C14orf180: variants seen among roughly 807,000 people sequenced by gnomAD.
C14orf180 encodes the protein nutritionally-regulated adipose and cardiac enriched protein homolog.
A neutral mutation model predicts 13.9 loss-of-function variants in C14orf180; 13 were observed. That is an observed-to-expected ratio of 0.94 (90% confidence interval 0.61 to 1.49). The LOEUF (loss-of-function observed/expected upper bound fraction) is 1.49, where lower values mean the gene tolerates loss of function less well. C14orf180 is among the 40% of genes most tolerant of loss of function. The pLI, the probability that C14orf180 is intolerant of heterozygous loss-of-function variation, is 0.00. For missense variants in C14orf180, 238 were observed against 232.0 expected, an observed-to-expected ratio of 1.03 and a Z score of -0.17; for synonymous variants, 113 against 106.3, an observed-to-expected ratio of 1.06 and a Z score of -0.39.
At position 104,588,571 on chromosome 14, in the gene C14orf180, G is replaced by T; in HGVS notation, c.278-7G>T. The T allele has an allele frequency of 6.9e-7, 1 of 1,442,654 alleles. No individual in the cohort carries two copies. The highest frequency in any genetic ancestry group is 1.4e-5 in the African/African-American group (1 of 70,114). 89.4% of individuals were successfully genotyped at this position (1,442,654 alleles called of 1,614,324 possible). On this transcript the variant is annotated splice_polypyrimidine_tract_variant and splice_region_variant and intron_variant, in intron 4 of 4. Transcript: ENST00000557649. ...TGGCGCTGACCCTGCCTGCCCTCTG[G>T]CCGCAGTGCCCGGCCGGCCCAGGCC... is the stretch of plus-strand genomic sequence containing the variant.
intron 1 of C14orf180, among the ~76,000 whole-genome samples, chr14:104,586,207 C>T (rs1056094833): frequency 1.3e-5 from 2 of 152,134 alleles, no homozygotes; most frequent in South Asian, 2.1e-4. Context: ...AAATTGCTTG[C>T]GATGGCATTT....
At chr14:104,587,703 G>T in intron 2 of C14orf180, 46 bp from the exon 3 acceptor site, 1 of 1,603,668 alleles carries the variant, frequency 6.2e-7, no homozygotes, top group Non-Finnish European at 8.5e-7. Flanking sequence ...GGTACCAGCG[G>T]CCTCCCGCCG....
At chr14:104,580,797 C>A (rs539290326) in intron 1 of C14orf180, among the ~76,000 whole-genome samples, 2 of 152,364 alleles carry the variant, frequency 1.3e-5, no homozygotes, top group East Asian at 3.9e-4. Context: ...TGGCAAACAG[C>A]CCCCATTCCA....
rs1017601924 is a variant in C14orf180 at position 104,588,854 on chromosome 14, G to C, written c.*71G>C. 2 of 1,510,856 alleles carry C rather than the reference G, an allele frequency of 1.3e-6. No homozygotes were observed. Among genetic ancestry groups the C allele is most frequent in the Non-Finnish European group, 1.8e-6 (2 of 1,130,708 alleles). 93.6% of individuals were successfully genotyped at this position (1,510,856 alleles called of 1,614,324 possible). A position where few individuals can be genotyped will look rare whatever the true frequency, so the allele number is the denominator to read the frequency against. On this transcript the variant is annotated 3_prime_UTR_variant, in exon 5 of 5. Transcript: ENST00000557649. ...CACTCCGGGGGCTCCGAGACAGCCT[G>C]AGCCCTGGCCCTGCTGCTTGGTGAA...
chr14:104,587,712 C>T (rs553984960), intron 2 of C14orf180, 37 bp from the exon 3 acceptor site: 41 of 1,607,092 alleles, frequency 2.6e-5, no homozygotes, highest in South Asian at 1.8e-4. Flanking sequence ...GGCCTCCCGC[C>T]GGGGACTCAC....
At position 104,589,116 on chromosome 14, in the gene C14orf180, G is replaced by A; in HGVS notation, c.*333G>A. The A allele has an allele frequency of 4.1e-6, 2 of 491,298 alleles. No individual in the cohort carries two copies. The highest frequency in any genetic ancestry group is 7.0e-6 in the Non-Finnish European group (2 of 284,250). 30.4% of individuals were successfully genotyped at this position (491,298 alleles called of 1,614,324 possible). Reference sequence around the variant, plus strand: ...CTCCCTCGTCCCAGCAGGAACTCCTGCTGCTGCTAGGGCCTGGCCCGGCCA... The same window carrying A: ...CTCCCTCGTCCCAGCAGGAACTCCTACTGCTGCTAGGGCCTGGCCCGGCCA... On this transcript the variant is annotated 3_prime_UTR_variant, in exon 5 of 5. Coordinates refer to ENST00000557649, the MANE Select transcript of C14orf180 (RefSeq NM_001008404.3). The surrounding 1 kb of genome is among the most constrained non-coding windows in gnomAD (Gnocchi z 4.9).
intron 1 of C14orf180, among the ~76,000 whole-genome samples, chr14:104,585,871 GC>G (rs2140462768): frequency 6.6e-6 from 1 of 152,150 alleles, no homozygotes; most frequent in Non-Finnish European, 1.5e-5. Flanking sequence ...TGAGGGGTGG[GC>G]CCCCAGGAGC....
chr14:104,588,724 C>T lies in C14orf180; in HGVS notation c.424C>T (p.Leu142Phe). The change falls in exon 5 of 5, where the codon CTT (leucine) becomes TTT (phenylalanine). Residue 142 changes from leucine (L) to phenylalanine (F), a missense_variant. Physicochemically the swap from Leu to Phe is conservative, Grantham distance 22 (BLOSUM62 0). Transcript: ENST00000557649. ...GGACCTGCGGGCCCGGCTCCTCGGCCTTGTCCTGCACCTGCGGCACGTGGC... is the reference window on the plus strand; with the variant it reads ...GGACCTGCGGGCCCGGCTCCTCGGCTTTGTCCTGCACCTGCGGCACGTGGC... ...LEDLRARLLGLVLHLRHVALT... is the reference protein window; with the variant it reads ...LEDLRARLLGFVLHLRHVALT... 1 of 1,535,888 alleles carries T rather than the reference C, an allele frequency of 6.5e-7. No individual in the cohort carries two copies. Among genetic ancestry groups the T allele is most frequent in the Non-Finnish European group, 8.7e-7 (1 of 1,146,448 alleles).
intron 1 of C14orf180, among the ~76,000 whole-genome samples, chr14:104,583,346 C>A (rs1352587742): frequency 6.6e-6 from 1 of 152,084 alleles, no homozygotes; most frequent in Admixed American, 6.5e-5. Context: ...CCAGACACAG[C>A]CAGAGCCACC....
Position 104,588,970 on chromosome 14 carries a change from CG to C in C14orf180, c.*189del. 3.9e-6 allele frequency: 5 copies of C among 1,269,942 alleles called. No individual in the cohort carries two copies. The highest frequency in any genetic ancestry group is 4.2e-6 in the Non-Finnish European group (4 of 951,746). The allele number at this position is 1,269,942 out of a possible 1,614,324, so 78.7% of individuals were successfully genotyped here. On this transcript the variant is annotated 3_prime_UTR_variant, in exon 5 of 5. Transcript: ENST00000557649. Reference sequence around the variant, plus strand: ...GATCGGACATGGGGGGCACAGCAGGCGGCCCCGCCACACTAGTCAGCACAGC... The same window carrying C: ...GATCGGACATGGGGGGCACAGCAGGCGCCCCGCCACACTAGTCAGCACAGC...
At chr14:104,588,423 T>A (rs570203119) in intron 4 of C14orf180, 114 bp downstream of exon 4, 15 of 1,519,894 alleles carry the variant, frequency 9.9e-6, no homozygotes, top group Middle Eastern at 3.5e-4. Flanking sequence ...GAGTCCCCAG[T>A]TGGGGAGCTC....
chr14:104,586,397 C>G lies in C14orf180; in HGVS notation c.-16-18C>G. 7.3e-7 allele frequency: 1 copy of G among 1,375,296 alleles called. No homozygotes were observed. Among genetic ancestry groups the G allele is most frequent in the Non-Finnish European group, 9.7e-7 (1 of 1,030,496 alleles). The allele number at this position is 1,375,296 out of a possible 1,614,324, so 85.2% of individuals were successfully genotyped here. ...CACTTGTGCAGTAAATAATAAATAA[C>G]GTCTCTGCTTATCTTAGGACCATGT... On this transcript the variant is annotated intron_variant, in intron 1 of 4. Coordinates refer to ENST00000557649, the MANE Select transcript of C14orf180 (RefSeq NM_001008404.3).
At position 104,588,995 on chromosome 14, in the gene C14orf180, G is replaced by A. The variant is rs933080706; in HGVS notation, c.*212G>A. ...CGGCCCCGCCACACTAGTCAGCACA[G>A]CCCTCCTGTCTCCTGTGTTGGGTCC... On this transcript the variant is annotated 3_prime_UTR_variant, in exon 5 of 5. Transcript: ENST00000557649. 120 of 1,003,964 alleles carry A rather than the reference G, an allele frequency of 1.2e-4. 1 individual carries two copies. Among genetic ancestry groups the A allele is most frequent in the Non-Finnish European group, 1.5e-4 (110 of 713,056 alleles). 62.2% of individuals were successfully genotyped at this position (1,003,964 alleles called of 1,614,324 possible).
intron 3 of C14orf180, 50 bp from the exon 4 acceptor site, chr14:104,588,224 C>G (rs753022039): frequency 6.2e-7 from 1 of 1,611,402 alleles, no homozygotes. Context: ...CGGGGGCGCC[C>G]GATGGACTGA....
Position 104,587,793 on chromosome 14 carries a change from G to A in C14orf180, c.156G>A (p.Arg52=), listed in dbSNP as rs1886681304. 6.2e-7 allele frequency: 1 copy of A among 1,612,520 alleles called. No individual in the cohort carries two copies. The highest frequency in any genetic ancestry group is 1.7e-5 in the Admixed American group (1 of 59,918). Residue 52 remains arginine (R), a synonymous_variant, in exon 3 of 5, where the codon CGG becomes CGA. Transcript: ENST00000557649. ...CCCCCTCCATCCTGAAACGGAGCCGGCCGGAGCACCACCGCCCAGAGGCCA... is the reference window on the plus strand; with the variant it reads ...CCCCCTCCATCCTGAAACGGAGCCGACCGGAGCACCACCGCCCAGAGGCCA... ...KCPPSILKRS[R]PEHHRPEAKP...
chr14:104,581,287 A>C (rs1166682528), intron 1 of C14orf180: 3 of 152,292 alleles, frequency 2.0e-5, no homozygotes, highest in Non-Finnish European at 4.4e-5. Context: ...GGAAGAAGGC[A>C]CAACCTGCAT....
chr14:104,583,560 A>G (rs1886511418), intron 1 of C14orf180, among the ~76,000 whole-genome samples: 1 of 152,088 alleles, frequency 6.6e-6, no homozygotes, highest in Admixed American at 6.5e-5. Flanking sequence ...CTAAGGTCAC[A>G]CGTGGTCACA....
intron 1 of C14orf180, 53 bp from the exon 2 acceptor site, chr14:104,586,362 C>A (rs962301483): frequency 2.1e-5 from 25 of 1,186,890 alleles, no homozygotes; most frequent in Middle Eastern, 2.2e-4. Context: ...ATTTTCATTC[C>A]TCTGAGTGCC....
chr14:104,587,874 C>T lies in C14orf180; in HGVS notation c.237C>T (p.Val79=). ...TCCGAGAACCCCCAGCGGTGACCGT[C>T]CACTGTAAGAGGGCACCCGCAGCAA... is the stretch of plus-strand genomic sequence containing the variant. ...VWFREPPAVT[V]HYIADKNATA... is the part of the protein sequence containing the mutation. The change falls in exon 3 of 5, where the codon GTC becomes GTT. Residue 79 remains valine, a synonymous_variant. Transcript: ENST00000557649. 1 of 1,606,944 alleles carries T rather than the reference C, an allele frequency of 6.2e-7. No individual in the cohort carries two copies. Among genetic ancestry groups the T allele is most frequent in the East Asian group, 2.2e-5 (1 of 44,608 alleles).
Sources: allele counts gnomAD v4.1 joint callset (sites outside exome capture counted in the v4.1 genomes callset), GRCh38; gene constraint gnomAD v4.1.1; non-coding constraint Gnocchi (gnomAD v3.1); transcripts MANE v1.5; gene names NCBI Gene and HGNC (gene_info 2026-07-23, HGNC 2026-07-21).